Variants in RALGAPA1 observed in about 807,000 individuals in gnomAD.
The protein encoded by RALGAPA1 is ral GTPase-activating protein subunit alpha-1.
Under a neutral mutation model 269.6 loss-of-function variants are expected in RALGAPA1, and 52 were observed. The ratio of observed to expected loss-of-function variants is 0.19; its 90% CI spans 0.15 to 0.24. The LOEUF (loss-of-function observed/expected upper bound fraction) is 0.24, where lower values mean the gene tolerates loss of function less well. Ranked by LOEUF, RALGAPA1 falls within the 10% of genes least tolerant of loss-of-function variation. RALGAPA1 has a pLI of 1.00. For missense variants in RALGAPA1, 1,917 were observed against 3,013.9 expected, an observed-to-expected ratio of 0.64 and a Z score of 8.52; for synonymous variants, 817 against 1,008.3, an observed-to-expected ratio of 0.81 and a Z score of 3.60.
At chr14:35,624,397 A>G (rs2060861121) in intron 35 of RALGAPA1, among the ~76,000 whole-genome samples, 1 of 152,096 alleles carries the variant, frequency 6.6e-6, no homozygotes. Context: ...TAGTAAAAGG[A>G]ATGAGAGATC....
At chr14:35,782,565 C>T (rs1254744297) in intron 1 of RALGAPA1, among the ~76,000 whole-genome samples, 2 of 152,096 alleles carry the variant, frequency 1.3e-5, no homozygotes, top group African/African-American at 4.8e-5. Flanking sequence ...TCCAGAGTAG[C>T]TGTGATTACA....
At chr14:35,552,086 A>G (rs2055069477) in intron 39 of RALGAPA1, among the ~76,000 whole-genome samples, 2 of 152,178 alleles carry the variant, frequency 1.3e-5, no homozygotes, top group African/African-American at 4.8e-5. Flanking sequence ...AATGATCTTT[A>G]TAAGTTTCCC....
At chr14:35,794,672 T>C (rs531050267) in intron 1 of RALGAPA1, among the ~76,000 whole-genome samples, 8 of 152,318 alleles carry the variant, frequency 5.3e-5, no homozygotes, top group South Asian at 2.1e-4. Context: ...TTAGCCAGGA[T>C]GGTCTCATCT....
intron 39 of RALGAPA1, among the ~76,000 whole-genome samples, chr14:35,553,151 C>T (rs2055186219): frequency 1.3e-5 from 2 of 152,198 alleles, no homozygotes; most frequent in Non-Finnish European, 2.9e-5. Context: ...AGTGCCCTGA[C>T]ACCTGTCCTG....
In RALGAPA1 at chr14:35,712,033, G is replaced by A. The variant is rs59950055; in HGVS notation, c.2266+9655C>T. ...AGGCCAAGGTGGGTGGATCACTTGAGGTCAGGACTTTGAGACCAGCCTGGC... is the reference window on the plus strand; with the variant it reads ...AGGCCAAGGTGGGTGGATCACTTGAAGTCAGGACTTTGAGACCAGCCTGGC... On this transcript the variant is annotated intron_variant, in intron 16 of 41. Transcript: ENST00000680220. Among the ~76,000 whole-genome samples the A allele has an allele frequency of 5.1e-3, 783 of 152,202 alleles. 3 individuals carry two copies. The highest frequency in any genetic ancestry group is 0.018 in the African/African-American group (748 of 41,550).
intron 16 of RALGAPA1, among the ~76,000 whole-genome samples, chr14:35,715,334 T>C (rs2068718098): frequency 6.6e-6 from 1 of 152,138 alleles, no homozygotes; most frequent in South Asian, 2.1e-4. Flanking sequence ...TTGCTTAATA[T>C]TGTTTTTTTT....
chr14:35,548,678 T>G (rs1227696241), intron 40 of RALGAPA1, 140 bp from the exon 41 acceptor site: 1 of 552,358 alleles, frequency 1.8e-6, no homozygotes, highest in Non-Finnish European at 3.1e-6. Context: ...CTTTAATTAT[T>G]GTAACATAAA....
rs184791575 is a variant in RALGAPA1 at position 35,557,306 on chromosome 14, A to T, written c.7497-8072T>A. 1.9e-3 allele frequency among the ~76,000 whole-genome samples: 296 copies of T among 152,046 alleles called. 1 individual carries two copies. The highest frequency in any genetic ancestry group is 6.2e-3 in the African/African-American group (259 of 41,512). On this transcript the variant is annotated intron_variant, in intron 39 of 41. Transcript: ENST00000680220. ...TGTCAGAAGACTGCAAAAAGAAAAAAAAAAAAAACCCAAATAAGTGAAATT... is the reference window on the plus strand; with the variant it reads ...TGTCAGAAGACTGCAAAAAGAAAAATAAAAAAAACCCAAATAAGTGAAATT...
chr14:35,623,013 TAG>T (rs1231807207), intron 35 of RALGAPA1, among the ~76,000 whole-genome samples: 1 of 145,262 alleles, frequency 6.9e-6, no homozygotes, highest in Non-Finnish European at 1.5e-5. Flanking sequence ...ACCTGGGAGG[TAG>T]AGACTGCAGT....
intron 1 of RALGAPA1, among the ~76,000 whole-genome samples, chr14:35,792,803 GAGAAAGAAAGAAAGAGAAAGAA>G (rs1239139253): frequency 1.5e-4 from 16 of 108,982 alleles, no homozygotes; most frequent in African/African-American, 4.3e-4. Context: ...AAGAAAGAAA[GAGAAAGAAAGAAAGAGAAAGAA>G]AGAAAGAAAG....
chr14:35,656,239 T>C (rs1205951088), intron 28 of RALGAPA1, among the ~76,000 whole-genome samples: 1 of 152,180 alleles, frequency 6.6e-6, no homozygotes, highest in Non-Finnish European at 1.5e-5. Flanking sequence ...GCTTTCAAAA[T>C]GGAAAGTGTA....
At position 35,760,317 on chromosome 14, in the gene RALGAPA1, C is replaced by T. The variant is rs946401573; in HGVS notation, c.547+512G>A. On this transcript the variant is annotated intron_variant, in intron 6 of 41. Coordinates refer to ENST00000680220, the MANE Select transcript of RALGAPA1 (RefSeq NM_001346249.2). ...AGCCTGTGAGCATGCCTTTCATATTCAAACCAACCAGTCCAGAGCCCACAC... is the reference window on the plus strand; with the variant it reads ...AGCCTGTGAGCATGCCTTTCATATTTAAACCAACCAGTCCAGAGCCCACAC... Among the ~76,000 whole-genome samples, 3 of 152,284 alleles carry T rather than the reference C, an allele frequency of 2.0e-5. No homozygotes were observed. In the East Asian group the frequency reaches 5.8e-4, roughly 29 times the overall value.
intron 21 of RALGAPA1, among the ~76,000 whole-genome samples, chr14:35,680,804 C>T (rs556360652): frequency 1.6e-4 from 24 of 150,680 alleles, no homozygotes; most frequent in Non-Finnish European, 2.8e-4. Context: ...TTAGTAGAGA[C>T]GGGGTTTCAC....
At chr14:35,729,382 AAG>A (rs1218405437) in intron 12 of RALGAPA1, among the ~76,000 whole-genome samples, 1 of 152,152 alleles carries the variant, frequency 6.6e-6, no homozygotes, top group African/African-American at 2.4e-5. Flanking sequence ...TGAAATAAAA[AAG>A]AGCATTTATA....
chr14:35,730,229 C>G (rs186384323), intron 12 of RALGAPA1, among the ~76,000 whole-genome samples: 1 of 152,136 alleles, frequency 6.6e-6, no homozygotes, highest in African/African-American at 2.4e-5. Flanking sequence ...GTAGGAAATG[C>G]CCTGGGAGCT....
intron 19 of RALGAPA1, 102 bp from the exon 20 acceptor site, chr14:35,685,247 T>C (rs2065817604): frequency 3.8e-6 from 4 of 1,060,850 alleles, no homozygotes; most frequent in Admixed American, 2.6e-5. Flanking sequence ...TGCTGAGATT[T>C]AGAGGCTGAA....
chr14:35,807,249 T>C (rs1425038677), intron 1 of RALGAPA1, among the ~76,000 whole-genome samples: 1 of 152,218 alleles, frequency 6.6e-6, no homozygotes, highest in Non-Finnish European at 1.5e-5. Flanking sequence ...ATCCCTCGCC[T>C]GCATTCACAC....
chr14:35,639,286 T>C lies in RALGAPA1; in HGVS notation c.5677-3688A>G, dbSNP rs75615493. Among the ~76,000 whole-genome samples the C allele has an allele frequency of 1.2e-3, 179 of 152,284 alleles. 1 individual carries two copies. In the East Asian group the frequency reaches 0.032, roughly 27 times the overall value. ...GGAGCACCCTGATATATAAAGCAAA[T>C]ATTATTAGAGCTAAAGAGAGAGATA... On this transcript the variant is annotated intron_variant, in intron 31 of 41. Coordinates refer to ENST00000680220, the MANE Select transcript of RALGAPA1 (RefSeq NM_001346249.2).
chr14:35,611,988 G>A (rs1292102694), intron 35 of RALGAPA1, among the ~76,000 whole-genome samples: 2 of 152,160 alleles, frequency 1.3e-5, no homozygotes, highest in Non-Finnish European at 2.9e-5. Context: ...CATATTTATA[G>A]TTAATTGCTT....
Sources: gnomAD v4.1 joint callset for allele counts (sites outside exome capture counted in the v4.1 genomes callset) on GRCh38, gnomAD v4.1.1 for gene constraint, MANE v1.5 for transcripts, NCBI Gene and HGNC (gene_info 2026-07-23, HGNC 2026-07-21) for gene names.